Variants in KIAA0825 observed in about 807,000 individuals in gnomAD.
The protein encoded by KIAA0825 is uncharacterized protein KIAA0825.
Under a neutral mutation model 147.6 loss-of-function variants are expected in KIAA0825, and 119 were observed. The ratio of observed to expected loss-of-function variants is 0.81; its 90% confidence interval spans 0.69 to 0.94. The LOEUF is 0.94. KIAA0825 is among the 40% of genes least tolerant of loss of function. KIAA0825 has a pLI of 0.00. For synonymous variants in KIAA0825, 470 were observed against 518.1 expected (o/e 0.91, Z 1.26); for missense variants, 1,381 against 1,472.7 (o/e 0.94, Z 1.02).
intron 2 of KIAA0825, among the ~76,000 whole-genome samples, chr5:94,565,378 T>C (rs2152307797): frequency 6.6e-6 from 1 of 151,740 alleles, no homozygotes; most frequent in South Asian, 2.1e-4. Flanking sequence ...AATCTCCTTT[T>C]GTTGCCCAGG....
At chr5:94,188,816 A>C (rs1443113075) in intron 20 of KIAA0825, among the ~76,000 whole-genome samples, 4 of 152,154 alleles carry the variant, frequency 2.6e-5, no homozygotes, top group Admixed American at 2.6e-4. Context: ...CTATGGAAAA[A>C]ATATATTTAA....
chr5:94,443,167 G>C (rs928527409), intron 13 of KIAA0825, among the ~76,000 whole-genome samples: 7 of 152,034 alleles, frequency 4.6e-5, no homozygotes, highest in Non-Finnish European at 1.0e-4. Flanking sequence ...GACTCACTAT[G>C]AGGAAAAATA....
At chr5:94,463,542 A>G (rs1760095171) in intron 11 of KIAA0825, among the ~76,000 whole-genome samples, 1 of 151,496 alleles carries the variant, frequency 6.6e-6, no homozygotes. Flanking sequence ...ATTGCTAGAT[A>G]AACAATTTCT....
intron 12 of KIAA0825, among the ~76,000 whole-genome samples, chr5:94,460,914 T>C (rs1759737464): frequency 6.6e-6 from 1 of 151,996 alleles, no homozygotes; most frequent in East Asian, 1.9e-4. Context: ...ATATCTAGAT[T>C]TTTGTTCATG....
At chr5:94,249,919 G>T (rs1775863249) in intron 20 of KIAA0825, among the ~76,000 whole-genome samples, 2 of 151,604 alleles carry the variant, frequency 1.3e-5, no homozygotes, top group Non-Finnish European at 2.9e-5. Context: ...TGTTCAGATG[G>T]TTCCTAAAAC....
chr5:94,542,224 T>C (rs866200891), intron 2 of KIAA0825, among the ~76,000 whole-genome samples: 1 of 152,234 alleles, frequency 6.6e-6, no homozygotes, highest in South Asian at 2.1e-4. Flanking sequence ...AGCTGAAATG[T>C]TCATGACTAT....
chr5:94,542,387 AG>A (rs1306337599), intron 2 of KIAA0825, among the ~76,000 whole-genome samples: 3 of 152,246 alleles, frequency 2.0e-5, no homozygotes, highest in African/African-American at 4.8e-5. Context: ...AATTGAGTAA[AG>A]TATACTCCTG....
intron 2 of KIAA0825, among the ~76,000 whole-genome samples, chr5:94,550,985 A>C (rs752715628): frequency 7.9e-5 from 12 of 152,090 alleles, no homozygotes; most frequent in Non-Finnish European, 1.6e-4. Context: ...CCATAAAATC[A>C]AGATAATACT....
At chr5:94,518,117 T>TAA (rs1767551146) in intron 5 of KIAA0825, among the ~76,000 whole-genome samples, 1 of 152,184 alleles carries the variant, frequency 6.6e-6, no homozygotes. Context: ...AGCAAAGATT[T>TAA]CGTGAGCATA....
intron 15 of KIAA0825, chr5:94,416,524 T>C (rs1753488566): frequency 6.6e-6 from 1 of 152,200 alleles, no homozygotes; most frequent in Non-Finnish European, 1.5e-5. Context: ...TTTTCATCCT[T>C]TGTTTTCACA....
chr5:94,371,859 C>T (rs1166991618), intron 20 of KIAA0825, among the ~76,000 whole-genome samples: 1 of 152,156 alleles, frequency 6.6e-6, no homozygotes, highest in Non-Finnish European at 1.5e-5. Context: ...AGTCCAAAGT[C>T]TCATCTGAAA....
At chr5:94,246,241 G>A (rs1052645434) in intron 20 of KIAA0825, among the ~76,000 whole-genome samples, 2 of 152,120 alleles carry the variant, frequency 1.3e-5, no homozygotes, top group Non-Finnish European at 2.9e-5. Context: ...AAGTGGCAAA[G>A]TGAACAAGAG....
chr5:94,524,189 G>T (rs541300948), intron 3 of KIAA0825, 91 bp from the exon 4 acceptor site: 15 of 682,130 alleles, frequency 2.2e-5, no homozygotes, highest in African/African-American at 5.6e-5. Flanking sequence ...TTCATATGTG[G>T]TACCTGGCTT....
chr5:94,173,518 C>A (rs1768821934), intron 20 of KIAA0825, among the ~76,000 whole-genome samples: 1 of 152,238 alleles, frequency 6.6e-6, no homozygotes, highest in East Asian at 1.9e-4. Context: ...AACATGGCAG[C>A]TCCCCGTTGT....
At chr5:94,380,583 A>G (rs1156716756) in intron 20 of KIAA0825, among the ~76,000 whole-genome samples, 5 of 152,230 alleles carry the variant, frequency 3.3e-5, no homozygotes, top group African/African-American at 1.2e-4. Flanking sequence ...TTCAGTTGGC[A>G]ATAACTCAAG....
rs370307271 is a variant in KIAA0825, at chr5:94,602,267, C to T, written c.-153+16233G>A. Among the ~76,000 whole-genome samples the T allele has an allele frequency of 1.8e-4, 27 of 151,974 alleles. No individual in the cohort carries two copies. In the South Asian group the frequency reaches 3.7e-3, roughly 21 times the overall value. ...TCGGGAGGCTGAGGCAGGAGAATGG[C>T]GTGAACCTGGGAGGCGGAGCTTGCA... On this transcript the variant is annotated intron_variant, in intron 1 of 20. Transcript: ENST00000682413.
intron 1 of KIAA0825, among the ~76,000 whole-genome samples, chr5:94,583,382 C>T (rs551748001): frequency 6.6e-6 from 1 of 152,234 alleles, no homozygotes; most frequent in Admixed American, 6.5e-5. Context: ...GGGCCCCACA[C>T]CCATGAAGCC....
chr5:94,396,215 T>A lies in KIAA0825; in HGVS notation c.3182A>T (p.Asp1061Val), dbSNP rs1750635608. The A allele has an allele frequency of 6.4e-7, 1 of 1,551,584 alleles. No homozygotes were observed. Among genetic ancestry groups the A allele is most frequent in the South Asian group, 1.2e-5 (1 of 84,028 alleles). ...ICMCLKSIMGDQTSIHNQMIQ... is the reference protein window; with the variant it reads ...ICMCLKSIMGVQTSIHNQMIQ... ...CATTTGATTATGGATACTTGTCTGG[T>A]CTCCCATGATGCTTTTCAAACACAT... The change falls in exon 17 of 21, where the codon GAC (aspartate) becomes GTC (valine). Residue 1061 changes from aspartate to valine, a missense_variant. Asp to Val is a radical substitution (Grantham distance 152, BLOSUM62 -3). Transcript: ENST00000682413.
chr5:94,518,702 A>T (rs974678897), intron 5 of KIAA0825, among the ~76,000 whole-genome samples: 1 of 152,118 alleles, frequency 6.6e-6, no homozygotes, highest in Non-Finnish European at 1.5e-5. Flanking sequence ...ATTGTTTCAT[A>T]TCAAAGTTCA....
Sources: allele counts gnomAD v4.1 joint callset (sites outside exome capture counted in the v4.1 genomes callset), GRCh38; gene constraint gnomAD v4.1.1; transcripts MANE v1.5; gene names NCBI Gene and HGNC (gene_info 2026-07-23, HGNC 2026-07-21).